Variants in TNRC6C observed in about 807,000 individuals in gnomAD.
TNRC6C encodes the protein trinucleotide repeat-containing gene 6C protein.
TNRC6C carries 20 observed loss-of-function variants against 153.7 expected under a neutral mutation model. That is an observed-to-expected ratio of 0.13 (90% CI 0.09 to 0.19). The LOEUF is 0.19. TNRC6C is among the 10% of genes least tolerant of loss of function. The probability of loss-of-function intolerance (pLI) is 1.00; values close to 1 mark genes in which losing one functional copy is unlikely to be tolerated. For synonymous variants in TNRC6C, 811 were observed against 841.4 expected, an observed-to-expected ratio of 0.96 and a Z score of 0.63; for missense variants, 1,987 against 2,172.0, an observed-to-expected ratio of 0.91 and a Z score of 1.69.
At chr17:78,098,536 G>T (rs371186463) in exon 17 of TNRC6C, 1 of 1,611,714 alleles carries the variant, frequency 6.2e-7, no homozygotes. Context: ...CCTACTCCTC[G>T]GGTAAGCTCC....
chr17:78,045,571 G>A (rs1232100225), intron 2 of TNRC6C, among the ~76,000 whole-genome samples: 1 of 152,182 alleles, frequency 6.6e-6, no homozygotes, highest in Admixed American at 6.5e-5. Flanking sequence ...GCAGCTGATT[G>A]GTGACTTCAG....
chr17:77,983,872 A>G (rs1047637534), intron 1 of TNRC6C, among the ~76,000 whole-genome samples: 1 of 152,224 alleles, frequency 6.6e-6, no homozygotes, highest in Non-Finnish European at 1.5e-5. Context: ...AGTAATTAAT[A>G]TAGCCAGTGA....
Position 78,049,804 on chromosome 17 carries a change from G to A in TNRC6C, c.742G>A (p.Val248Met). ...CAGTGCTGAAGGAATAAGCAATTCT[G>A]TGTGGGGACTGTCCCCAGGTAACCC... Residue 248 changes from valine (V) to methionine (M), a missense_variant, in exon 3 of 20, where the codon GTG (valine) becomes ATG (methionine). Transcript: ENST00000301624. The surrounding 1 kb of genome is among the most constrained non-coding windows in gnomAD (Gnocchi z 4.1). 3 of 1,607,530 alleles carry A rather than the reference G, an allele frequency of 1.9e-6. No homozygotes were observed. The highest frequency in any genetic ancestry group is 2.2e-5 in the East Asian group (1 of 44,826).
chr17:78,071,503 G>A lies in TNRC6C; in HGVS notation c.2859+338G>A, dbSNP rs534204476. ...TGTGATCAAGCAGTCCTCCTGTCTC[G>A]GCCTCCCGAGTAGAGCTGGGACTAC... On this transcript the variant is annotated intron_variant, in intron 6 of 19. Coordinates refer to ENST00000301624, the Ensembl canonical transcript of TNRC6C. 8.6e-5 allele frequency among the ~76,000 whole-genome samples: 13 copies of A among 151,904 alleles called. No individual in the cohort carries two copies. The South Asian group carries it at 1.5e-3, about 17-fold the overall frequency.
intron 16 of TNRC6C, 129 bp downstream of exon 19, chr17:78,097,990 G>T: frequency 1.2e-6 from 1 of 830,254 alleles, no homozygotes; most frequent in Non-Finnish European, 1.8e-6. Flanking sequence ...GTGGCGTGAT[G>T]AAGGATGGGT....
intron 7 of TNRC6C, among the ~76,000 whole-genome samples, chr17:78,074,073 A>C (rs1236311811): frequency 6.6e-6 from 1 of 152,198 alleles, no homozygotes; most frequent in African/African-American, 2.4e-5. Context: ...TGCCTACATG[A>C]AGCTTACTTG....
At chr17:78,097,058 G>T (rs1347314861) in intron 16 of TNRC6C, among the ~76,000 whole-genome samples, 1 of 152,102 alleles carries the variant, frequency 6.6e-6, no homozygotes, top group African/African-American at 2.4e-5. Context: ...TATTTAAAAA[G>T]GGAATCATGA....
chr17:78,016,873 C>T (rs551284268), intron 1 of TNRC6C, among the ~76,000 whole-genome samples: 1 of 152,320 alleles, frequency 6.6e-6, no homozygotes, highest in African/African-American at 2.4e-5. Flanking sequence ...ATTCTTAGCT[C>T]CCTTTTATCC....
chr17:77,969,252 T>C (rs1268297205), intron 1 of TNRC6C, among the ~76,000 whole-genome samples: 2 of 151,966 alleles, frequency 1.3e-5, no homozygotes, highest in African/African-American at 4.8e-5. Context: ...CCATTATCTT[T>C]AATAAATTTT....
In TNRC6C at chr17:77,959,443, C is replaced by T. The variant is rs546671873; in HGVS notation, c.-38+175C>T. ...GGGAGCGGCGGGAAGCGGCCGGGGCCGGGGCGCGTGTGTGCTAGTGTGAGA... is the reference window on the plus strand; with the variant it reads ...GGGAGCGGCGGGAAGCGGCCGGGGCTGGGGCGCGTGTGTGCTAGTGTGAGA... On this transcript the variant is annotated intron_variant, in intron 1 of 22. Coordinates refer to the TNRC6C transcript ENST00000636222. 7.9e-5 allele frequency among the ~76,000 whole-genome samples: 12 copies of T among 151,656 alleles called. No homozygotes were observed. The South Asian group carries it at 2.3e-3, about 29-fold the overall frequency.
chr17:78,086,938 C>T, exon 13 of TNRC6C: 2 of 1,612,208 alleles, frequency 1.2e-6, no homozygotes, highest in Non-Finnish European at 1.7e-6. Flanking sequence ...AAGCAGCCAC[C>T]ACCGCCACCG....
At chr17:78,040,212 G>A (rs1157118154) in intron 2 of TNRC6C, among the ~76,000 whole-genome samples, 1 of 152,204 alleles carries the variant, frequency 6.6e-6, no homozygotes, top group African/African-American at 2.4e-5. Flanking sequence ...GTATTAGTAC[G>A]TACAGTGATT....
At chr17:78,067,049 T>C (rs1379162597) in intron 4 of TNRC6C, 1 of 152,208 alleles carries the variant, frequency 6.6e-6, no homozygotes, top group African/African-American at 2.4e-5. Context: ...GCATCCCATA[T>C]ACAAATTTTC....
chr17:77,958,826 G>A (rs932872521), upstream of TNRC6C, among the ~76,000 whole-genome samples: 349 of 147,468 alleles, frequency 2.4e-3, 2 homozygotes, highest in African/African-American at 8.3e-3. Flanking sequence ...GCCGCCCCCT[G>A]ACAGGGCAGT....
intron 5 of TNRC6C, among the ~76,000 whole-genome samples, chr17:78,070,503 C>G (rs2072972644): frequency 6.6e-6 from 1 of 152,166 alleles, no homozygotes; most frequent in Non-Finnish European, 1.5e-5. Flanking sequence ...AGCCCTCCCC[C>G]ACCCCCACTG....
rs944726329 is a variant in TNRC6C, at chr17:78,050,316, A to G, written c.1254A>G (p.Glu418=). The G allele has an allele frequency of 3.2e-6, 5 of 1,577,088 alleles. No homozygotes were observed. The African/African-American group carries it at 6.8e-5, about 21-fold the overall frequency. The change falls in exon 3 of 20, where the codon GAA becomes GAG. Residue 418 remains glutamate (E), a synonymous_variant. Coordinates refer to ENST00000301624, the Ensembl canonical transcript of TNRC6C. Reference sequence around the variant, plus strand: ...GCACTGGGAGGGAAGGAACGGGAGAAGGCCGAAGGCGAGATAAAGGGATTA... The same window carrying G: ...GCACTGGGAGGGAAGGAACGGGAGAGGGCCGAAGGCGAGATAAAGGGATTA...
At chr17:78,037,925 G>C (rs1246101520) in intron 2 of TNRC6C, among the ~76,000 whole-genome samples, 1 of 152,158 alleles carries the variant, frequency 6.6e-6, no homozygotes, top group East Asian at 1.9e-4. Context: ...TTTTAACAGC[G>C]TGTTTCTAGG....
intron 11 of TNRC6C, among the ~76,000 whole-genome samples, chr17:78,084,235 G>A (rs28538436): frequency 0.022 from 3,210 of 146,764 alleles, 114 homozygotes; most frequent in African/African-American, 0.076. Context: ...AGTGAGCCTC[G>A]CACCTTTGCA....
chr17:78,098,491 C>T (rs1291979450), exon 17 of TNRC6C: 3 of 1,613,922 alleles, frequency 1.9e-6, no homozygotes, highest in East Asian at 2.2e-5. Context: ...AGCCCTCCTC[C>T]ACCTGGGGTG....
Sources: gnomAD v4.1 joint callset for allele counts (sites outside exome capture counted in the v4.1 genomes callset) on GRCh38, gnomAD v4.1.1 for gene constraint, Gnocchi (gnomAD v3.1) non-coding constraint, MANE v1.5 for transcripts, NCBI Gene and HGNC (gene_info 2026-07-23, HGNC 2026-07-21) for gene names.